Variants in ASPM observed in about 807,000 individuals in gnomAD.
ASPM encodes the protein assembly factor for spindle microtubules, also known as abnormal spindle-like microcephaly-associated protein.
A neutral mutation model predicts 366.4 loss-of-function variants in ASPM; 256 were observed. The observed-to-expected ratio is 0.70, with a 90% confidence interval of 0.63 to 0.77. The LOEUF is 0.77. ASPM is among the 30% of genes least tolerant of loss of function. The probability of loss-of-function intolerance (pLI) is 0.00; values close to 1 mark genes in which losing one functional copy is unlikely to be tolerated. For missense variants in ASPM, 4,146 were observed against 4,090.4 expected, an observed-to-expected ratio of 1.01 and a Z score of -0.37; for synonymous variants, 1,414 against 1,342.9, an observed-to-expected ratio of 1.05 and a Z score of -1.16.
chr1:197,093,597 C>T (rs950778617), intron 20 of ASPM, among the ~76,000 whole-genome samples: 4 of 151,754 alleles, frequency 2.6e-5, no homozygotes, highest in Non-Finnish European at 4.4e-5. Flanking sequence ...AGAAAGAGCA[C>T]GGTGATCATA....
chr1:197,106,781 T>C (rs540495202), intron 17 of ASPM, among the ~76,000 whole-genome samples: 1 of 152,220 alleles, frequency 6.6e-6, no homozygotes, highest in Non-Finnish European at 1.5e-5. Flanking sequence ...GTTGGCATTG[T>C]TTCTTCACTT....
At chr1:197,110,709 TAGAA>T (rs933919525) in intron 17 of ASPM, among the ~76,000 whole-genome samples, 26 of 151,722 alleles carry the variant, frequency 1.7e-4, no homozygotes, top group African/African-American at 6.3e-4. Context: ...ACCAATTGAA[TAGAA>T]AGAAATACTA....
chr1:197,140,839 G>A (rs1658556922), intron 3 of ASPM, among the ~76,000 whole-genome samples: 1 of 152,108 alleles, frequency 6.6e-6, no homozygotes, highest in African/African-American at 2.4e-5. Context: ...ACAAATCAGA[G>A]GAGAGTTATT....
At chr1:197,105,606 C>T (rs1295944898) in intron 17 of ASPM, among the ~76,000 whole-genome samples, 1 of 151,940 alleles carries the variant, frequency 6.6e-6, no homozygotes, top group African/African-American at 2.4e-5. Flanking sequence ...TGACTAGAAA[C>T]TGTTTATGTG....
At position 197,100,721 on chromosome 1, in the gene ASPM, G is replaced by GA; in HGVS notation, c.8529dup (p.Gln2844SerfsTer28). 1 of 1,612,476 alleles carries GA rather than the reference G, an allele frequency of 6.2e-7. No individual in the cohort carries two copies. Among genetic ancestry groups the GA allele is most frequent in the Non-Finnish European group, 8.5e-7 (1 of 1,179,082 alleles). On this transcript the variant is annotated frameshift_variant, in exon 18 of 28. Coordinates refer to ENST00000367409, the MANE Select transcript of ASPM (RefSeq NM_018136.5). LOFTEE classifies it high-confidence loss of function. The stretch of plus-strand genomic sequence containing the variant: ...TACACAGCCATCTGAAGGAAGAACT[G>GA]AATCCGTAGGGCAGCACATTTCTGT...
At position 197,133,488 on chromosome 1, in the gene ASPM, T is replaced by G. The variant is rs779397021; in HGVS notation, c.2281A>C (p.Arg761=). The G allele has an allele frequency of 6.2e-7, 1 of 1,614,150 alleles. No individual in the cohort carries two copies. Among genetic ancestry groups the G allele is most frequent in the South Asian group, 1.1e-5 (1 of 91,082 alleles). Residue 761 remains arginine, a synonymous_variant, in exon 6 of 28, where the codon AGG becomes CGG. Transcript: ENST00000367409. The part of the protein sequence containing the change: ...MSLRAYTARC[R]LNRLRRAACR... ...GCTGCACGACGTAGTCTGTTTAACC[T>G]ACACCGAGCAGTATAAGCTCTGAGA...
chr1:197,096,359 G>A (rs545817625), intron 18 of ASPM, among the ~76,000 whole-genome samples, 195 bp from the exon 19 acceptor site: 4 of 151,872 alleles, frequency 2.6e-5, no homozygotes, highest in African/African-American at 9.6e-5. Context: ...TAGTGAACAC[G>A]TATTATGTGC....
intron 25 of ASPM, among the ~76,000 whole-genome samples, chr1:197,089,464 A>C (rs1656701992): frequency 6.6e-6 from 1 of 152,080 alleles, no homozygotes; most frequent in Admixed American, 6.6e-5. Context: ...ATAATGCAGT[A>C]GATAACATCA....
At chr1:197,085,777 A>G (rs1315877470) in intron 27 of ASPM, among the ~76,000 whole-genome samples, 2 of 152,212 alleles carry the variant, frequency 1.3e-5, no homozygotes, top group Non-Finnish European at 2.9e-5. Flanking sequence ...ACAAAGGGGC[A>G]TAAGGAAACT....
At chr1:197,120,521 C>A (rs1482694806) in intron 16 of ASPM, among the ~76,000 whole-genome samples, 3 of 151,960 alleles carry the variant, frequency 2.0e-5, no homozygotes, top group Non-Finnish European at 2.9e-5. Context: ...CAGAGTGAGA[C>A]CTTGTCTCCA....
At chr1:197,131,975 T>C (rs10922169) in intron 7 of ASPM, among the ~76,000 whole-genome samples, 119,418 of 152,150 alleles carry the variant, frequency 0.78, 50,075 homozygotes, top group East Asian at 1. Flanking sequence ...GCAGCCTCGT[T>C]TTGGCATTTG....
chr1:197,131,557 C>CTTT (rs201682917), intron 7 of ASPM, among the ~76,000 whole-genome samples: 1 of 144,504 alleles, frequency 6.9e-6, no homozygotes, highest in Non-Finnish European at 1.5e-5. Context: ...GGGCAAGTCA[C>CTTT]TTTTTTTTTT....
Position 197,132,463 on chromosome 1 carries a change from ATAAGT to A in ASPM, c.2420-116_2420-112del. 3.6e-6 allele frequency: 3 copies of A among 822,236 alleles called. No individual in the cohort carries two copies. In the South Asian group the frequency reaches 4.7e-5, roughly 13 times the overall value. 50.9% of individuals were successfully genotyped at this position (822,236 alleles called of 1,614,324 possible). ...GGAAAAAAATACTTGCTTATATGAA[ATAAGT>A]TAATTTAAATAAAATACACTTATAG... On this transcript the variant is annotated intron_variant, in intron 6 of 27. Coordinates refer to ENST00000367409, the MANE Select transcript of ASPM (RefSeq NM_018136.5).
At chr1:197,114,772 G>A (rs1043792576) in intron 17 of ASPM, among the ~76,000 whole-genome samples, 8 of 151,660 alleles carry the variant, frequency 5.3e-5, no homozygotes, top group Admixed American at 3.3e-4. Context: ...TTTTTGAGAC[G>A]GAGTCTCGCT....
rs1398485643 is a variant in ASPM, at chr1:197,103,166, A to C, written c.6085T>G (p.Ser2029Ala). The change falls in exon 18 of 28, where the codon TCA (serine) becomes GCA (alanine). Residue 2029 changes from serine to alanine, a missense_variant. By Grantham distance (99) the Ser-to-Ala change is moderately conservative. Coordinates refer to ENST00000367409, the MANE Select transcript of ASPM (RefSeq NM_018136.5). Reference protein sequence around the residue: ...KTKAAVVTLQSAYRGMKVRKR... With the variant: ...KTKAAVVTLQAAYRGMKVRKR... ...CTCACTTTCATACCACGATAAGCTG[A>C]CTGTAAAGTTACTACAGCTGCTTTT... The C allele has an allele frequency of 6.2e-7, 1 of 1,612,576 alleles. No individual in the cohort carries two copies.
In ASPM at chr1:197,104,967, T is replaced by C. The variant is rs1017559251; in HGVS notation, c.4284A>G (p.Gln1428=). The C allele has an allele frequency of 1.9e-5, 31 of 1,611,990 alleles. No individual in the cohort carries two copies. Among genetic ancestry groups the C allele is most frequent in the Non-Finnish European group, 2.6e-5 (31 of 1,178,996 alleles). ...GTTGCTTCCATTTTCTGAACATAGATTGGATTATAAGAGTTGATGATTTTA... is the reference window on the plus strand; with the variant it reads ...GTTGCTTCCATTTTCTGAACATAGACTGGATTATAAGAGTTGATGATTTTA... ...EMLKSSTLII[Q]SMFRKWKQRK... is the part of the protein sequence containing the mutation. Residue 1428 remains glutamine (Q), a synonymous_variant, in exon 18 of 28, where the codon CAA becomes CAG. Transcript: ENST00000367409.
intron 17 of ASPM, among the ~76,000 whole-genome samples, chr1:197,108,827 T>C (rs1049297219): frequency 6.6e-6 from 1 of 151,574 alleles, no homozygotes; most frequent in Non-Finnish European, 1.5e-5. Context: ...AAAAATTAGT[T>C]GAGTGTGGTG....
At position 197,104,478 on chromosome 1, in the gene ASPM, T is replaced by A; in HGVS notation, c.4773A>T (p.Ala1591=). 6.2e-7 allele frequency: 1 copy of A among 1,612,792 alleles called. No individual in the cohort carries two copies. The highest frequency in any genetic ancestry group is 1.1e-5 in the South Asian group (1 of 91,056). Residue 1591 remains alanine (A), a synonymous_variant, in exon 18 of 28, where the codon GCA becomes GCT. Coordinates refer to ENST00000367409, the MANE Select transcript of ASPM (RefSeq NM_018136.5). ...NLKKTIIKFQ[A]HVRKHQQRQK... Reference sequence around the variant, plus strand: ...GTCGTTGTTGATGTTTTCTTACATGTGCCTGAAATTTGATAATAGTCTTCT... The same window carrying A: ...GTCGTTGTTGATGTTTTCTTACATGAGCCTGAAATTTGATAATAGTCTTCT...
intron 25 of ASPM, among the ~76,000 whole-genome samples, chr1:197,088,652 C>CA (rs1656676502): frequency 6.6e-6 from 1 of 152,014 alleles, no homozygotes; most frequent in Non-Finnish European, 1.5e-5. Flanking sequence ...TCTTTTCCCC[C>CA]TAATTCTAAA....
Sources: allele counts gnomAD v4.1 joint callset (sites outside exome capture counted in the v4.1 genomes callset), GRCh38; gene constraint gnomAD v4.1.1; transcripts MANE v1.5; gene names NCBI Gene and HGNC (gene_info 2026-07-23, HGNC 2026-07-21).